The following FAM228B variants were observed in gnomAD, a reference collection of about 807,000 sequenced individuals.
The protein encoded by FAM228B is protein FAM228B.
FAM228B carries 38 observed loss-of-function variants against 42.6 expected under a neutral mutation model. The observed-to-expected ratio is 0.89, with a 90% CI of 0.69 to 1.17. The LOEUF (loss-of-function observed/expected upper bound fraction) is 1.17, where lower values mean the gene tolerates loss of function less well. Ranked by LOEUF, FAM228B falls within the 50% of genes most tolerant of loss-of-function variation. The probability of loss-of-function intolerance (pLI) is 0.00; values close to 1 mark genes in which losing one functional copy is unlikely to be tolerated. For missense variants in FAM228B, 344 were observed against 367.3 expected (o/e 0.94, Z 0.52); for synonymous variants, 109 against 122.3 (o/e 0.89, Z 0.72).
At chr2:24,121,070 A>T (rs1345408179), upstream of FAM228B, 5 of 1,480,764 alleles carry the variant, frequency 3.4e-6, no homozygotes, top group Non-Finnish European at 4.6e-6. Context: ...TAATGGATTT[A>T]ATCTGTTTTA....
At chr2:24,106,990 G>T (rs1402524152) in intron 3 of FAM228B, among the ~76,000 whole-genome samples, 2 of 151,970 alleles carry the variant, frequency 1.3e-5, no homozygotes, top group Non-Finnish European at 2.9e-5. Context: ...TGGCAAGCTG[G>T]ATAAAAAAGC....
chr2:24,087,971 G>A (rs1241207005), intron 2 of FAM228B, among the ~76,000 whole-genome samples: 3 of 151,924 alleles, frequency 2.0e-5, no homozygotes, highest in African/African-American at 7.3e-5. Context: ...GCAAACTCCT[G>A]AGCTTAGGCA....
At chr2:24,087,777 A>ATT (rs34256592) in intron 2 of FAM228B, among the ~76,000 whole-genome samples, 85 of 128,184 alleles carry the variant, frequency 6.6e-4, no homozygotes, top group East Asian at 4.4e-3. Flanking sequence ...CACCAGGGTA[A>ATT]TTTTTTTTTT....
intron 3 of FAM228B, among the ~76,000 whole-genome samples, chr2:24,097,842 ATCAC>A (rs1665532726): frequency 6.6e-6 from 1 of 152,226 alleles, no homozygotes; most frequent in Non-Finnish European, 1.5e-5. Flanking sequence ...TCTTCTCAGC[ATCAC>A]ATCACACTTA....
intron 3 of FAM228B, among the ~76,000 whole-genome samples, chr2:24,118,104 G>A (rs1011290727): frequency 6.6e-6 from 1 of 152,182 alleles, no homozygotes; most frequent in African/African-American, 2.4e-5. Context: ...TGGGGAATTA[G>A]CCCTGAGCCC....
At chr2:24,158,123 CA>C (rs1202055200) in intron 7 of FAM228B, among the ~76,000 whole-genome samples, 2 of 149,822 alleles carry the variant, frequency 1.3e-5, no homozygotes, top group Non-Finnish European at 3.0e-5. Flanking sequence ...TGTACTCCAA[CA>C]ATACCAGGTC....
At chr2:24,082,786 A>T in intron 2 of FAM228B, 1 of 1,428,372 alleles carries the variant, frequency 7.0e-7, no homozygotes, top group Non-Finnish European at 9.2e-7. Context: ...TGATACAGGA[A>T]GGCCTGGGAG....
intron 2 of FAM228B, among the ~76,000 whole-genome samples, chr2:24,086,103 C>T (rs1665237679): frequency 1.3e-5 from 2 of 151,846 alleles, no homozygotes; most frequent in South Asian, 2.1e-4. Context: ...GGCGTGGTGG[C>T]GGGCGCCTGT....
upstream of FAM228B, chr2:24,121,043 A>G: frequency 7.4e-7 from 1 of 1,344,008 alleles, no homozygotes; most frequent in Non-Finnish European, 1.0e-6. Context: ...CTATCTCAAG[A>G]CAATGGCTCA....
At chr2:24,159,091 C>T (rs1308154895) in intron 7 of FAM228B, among the ~76,000 whole-genome samples, 1 of 152,200 alleles carries the variant, frequency 6.6e-6, no homozygotes, top group East Asian at 1.9e-4. Flanking sequence ...CCAAATTCCC[C>T]TCTTCTGATA....
At chr2:24,119,166 C>T (rs1303112608), upstream of FAM228B, among the ~76,000 whole-genome samples, 2 of 152,050 alleles carry the variant, frequency 1.3e-5, no homozygotes, top group Non-Finnish European at 2.9e-5. Context: ...CCTTTTTACC[C>T]TGCTGTCTCC....
In FAM228B at chr2:24,077,743, T is replaced by G; in HGVS notation, c.-290+774T>G. 2 of 1,613,800 alleles carry G rather than the reference T, an allele frequency of 1.2e-6. No individual in the cohort carries two copies. The highest frequency in any genetic ancestry group is 1.7e-6 in the Non-Finnish European group (2 of 1,179,812). On this transcript the variant is annotated intron_variant, in intron 1 of 10. Transcript: ENST00000613899. This position sits in a 1 kb window ranked among gnomAD's most constrained non-coding sequence, Gnocchi z 5.5. ...GGCAGAATTTGCTCCGTGAAAGCATTCACCAGCATTTGCTTGTACTAAGAC... is the reference window on the plus strand; with the variant it reads ...GGCAGAATTTGCTCCGTGAAAGCATGCACCAGCATTTGCTTGTACTAAGAC...
Position 24,084,345 on chromosome 2 carries a change from G to A in FAM228B, c.-210+3390G>A, listed in dbSNP as rs1487983278. ...CTAACATATTGTCTGAGGACACAGGGCAGGGCAGGGCAGGACAGGACAGGG... is the reference window on the plus strand; with the variant it reads ...CTAACATATTGTCTGAGGACACAGGACAGGGCAGGGCAGGACAGGACAGGG... On this transcript the variant is annotated intron_variant, in intron 2 of 10. Coordinates refer to the FAM228B transcript ENST00000613899. This position sits in a 1 kb window ranked among gnomAD's most constrained non-coding sequence, Gnocchi z 8.4. The A allele has an allele frequency of 7.8e-6, 11 of 1,406,814 alleles. 1 individual carries two copies. In the South Asian group the frequency reaches 9.4e-5, roughly 12 times the overall value. The allele number at this position is 1,406,814 out of a possible 1,614,324, so 87.1% of individuals were successfully genotyped here.
intron 7 of FAM228B, among the ~76,000 whole-genome samples, chr2:24,148,850 C>G (rs184301325): frequency 9.6e-4 from 146 of 152,234 alleles, no homozygotes; most frequent in Non-Finnish European, 1.7e-3. Context: ...CCCATTAACC[C>G]CATCCCTACT....
At position 24,084,370 on chromosome 2, in the gene FAM228B, G is replaced by GCAGGGCAGGGCAGGACAGGA. The variant is rs768849734; in HGVS notation, c.-210+3446_-210+3465dup. 73 of 1,530,134 alleles carry GCAGGGCAGGGCAGGACAGGA rather than the reference G, an allele frequency of 4.8e-5. No individual in the cohort carries two copies. Among genetic ancestry groups the GCAGGGCAGGGCAGGACAGGA allele is most frequent in the South Asian group, 1.2e-4 (10 of 84,132 alleles). 94.8% of individuals were successfully genotyped at this position (1,530,134 alleles called of 1,614,324 possible). A position where few individuals can be genotyped will look rare whatever the true frequency, so the allele number is the denominator to read the frequency against. On this transcript the variant is annotated intron_variant, in intron 2 of 10. Coordinates refer to the FAM228B transcript ENST00000613899. This position sits in a 1 kb window ranked among gnomAD's most constrained non-coding sequence, Gnocchi z 8.4. Reference sequence around the variant, plus strand: ...GCAGGGCAGGGCAGGACAGGACAGGGCAGGGCAGGGCAGGACAGGACAGGG... The same window carrying GCAGGGCAGGGCAGGACAGGA: ...GCAGGGCAGGGCAGGACAGGACAGGGCAGGGCAGGGCAGGACAGGACAGGGCAGGGCAGGACAGGACAGGG...
At chr2:24,128,037 A>G (rs2080727) in intron 2 of FAM228B, among the ~76,000 whole-genome samples, 47,517 of 151,920 alleles carry the variant, frequency 0.31, 7,808 homozygotes, top group South Asian at 0.43. Flanking sequence ...CCTGCTTGAA[A>G]TTGTCCTGTA....
At chr2:24,076,858 G>A (rs1370188217), upstream of FAM228B, 2 of 167,774 alleles carry the variant, frequency 1.2e-5, no homozygotes, top group Non-Finnish European at 1.3e-5. Context: ...GGGCCCAGAT[G>A]TGTAGCGGGA....
At chr2:24,125,132 G>T (rs572225844) in intron 2 of FAM228B, among the ~76,000 whole-genome samples, 3 of 152,128 alleles carry the variant, frequency 2.0e-5, no homozygotes, top group Admixed American at 6.6e-5. Flanking sequence ...ATCCCAGCAC[G>T]TTGGGAGGCT....
chr2:24,164,990 G>A (rs11686184), intron 9 of FAM228B, among the ~76,000 whole-genome samples: 125,912 of 151,784 alleles, frequency 0.83, 54,062 homozygotes, highest in Non-Finnish European at 0.93. Context: ...GAAAGGAGAA[G>A]GTGAGACTTC....
Sources: allele counts gnomAD v4.1 joint callset (sites outside exome capture counted in the v4.1 genomes callset), GRCh38; gene constraint gnomAD v4.1.1; non-coding constraint Gnocchi (gnomAD v3.1); transcripts MANE v1.5; gene names NCBI Gene and HGNC (gene_info 2026-07-23, HGNC 2026-07-21).